The following FOXN3 variants were observed in gnomAD, a reference collection of about 807,000 sequenced individuals.
The protein encoded by FOXN3 is forkhead box protein N3.
A neutral mutation model predicts 38.4 loss-of-function variants in FOXN3; 7 were observed. The observed-to-expected ratio is 0.18, with a 90% CI of 0.10 to 0.34. FOXN3 has a LOEUF of 0.34. Among genes scored for constraint, FOXN3 ranks in the 10% least tolerant of loss-of-function variants. FOXN3 has a pLI of 1.00. For missense variants in FOXN3, 456 were observed against 613.4 expected (o/e 0.74, Z 2.71); for synonymous variants, 230 against 242.2 (o/e 0.95, Z 0.47).
intron 2 of FOXN3, among the ~76,000 whole-genome samples, chr14:89,354,632 A>G (rs548178909): frequency 2.0e-5 from 3 of 150,950 alleles, no homozygotes; most frequent in Admixed American, 6.6e-5. Context: ...AGGTGGGTGG[A>G]TCACCTGAGG....
chr14:89,524,371 CAAAAA>C (rs1301922423), intron 1 of FOXN3, among the ~76,000 whole-genome samples: 1 of 6,560 alleles, frequency 1.5e-4, no homozygotes, highest in Non-Finnish European at 3.6e-4. Context: ...GACTCCATCT[CAAAAA>C]AAAAAAAAAA....
chr14:89,185,122 T>A (rs1246473268), intron 4 of FOXN3, among the ~76,000 whole-genome samples: 1 of 152,222 alleles, frequency 6.6e-6, no homozygotes, highest in South Asian at 2.1e-4. Flanking sequence ...TGTTCTCAAA[T>A]GAGCTGCAAC....
chr14:89,606,422 G>T (rs904986697), intron 1 of FOXN3, among the ~76,000 whole-genome samples: 6 of 151,892 alleles, frequency 4.0e-5, no homozygotes, highest in Non-Finnish European at 2.9e-5. Context: ...ACCAAAATTT[G>T]ATAAGATCAA....
At chr14:89,291,836 T>C (rs1257674458) in intron 3 of FOXN3, among the ~76,000 whole-genome samples, 1 of 152,218 alleles carries the variant, frequency 6.6e-6, no homozygotes, top group African/African-American at 2.4e-5. Context: ...ATTCTTGTCC[T>C]GGGATGCTAC....
At position 89,291,549 on chromosome 14, in the gene FOXN3, T is replaced by A. The variant is rs1032850554; in HGVS notation, c.681-10535A>T. On this transcript the variant is annotated intron_variant, in intron 3 of 5. Coordinates refer to ENST00000557258, the MANE Select transcript of FOXN3 (RefSeq NM_005197.4). Reference sequence around the variant, plus strand: ...TCTGCAGACAGCGACTCCAGGCAGCTGACAGCCCACTCCAGTCTTTCCAGC... The same window carrying A: ...TCTGCAGACAGCGACTCCAGGCAGCAGACAGCCCACTCCAGTCTTTCCAGC... 10 of 572,544 alleles carry A rather than the reference T, an allele frequency of 1.7e-5. No homozygotes were observed. In the African/African-American group the frequency reaches 1.9e-4, roughly 11 times the overall value. The allele number at this position is 572,544 out of a possible 1,614,324, so 35.5% of individuals were successfully genotyped here.
At chr14:89,447,630 C>T (rs1177225587) in intron 1 of FOXN3, among the ~76,000 whole-genome samples, 1 of 151,998 alleles carries the variant, frequency 6.6e-6, no homozygotes, top group Non-Finnish European at 1.5e-5. Flanking sequence ...CTAGGAAACA[C>T]ACCCCATGCC....
Position 89,159,119 on chromosome 14 carries a change from A to G in FOXN3, c.*3295T>C, listed in dbSNP as rs1298176813. 1.3e-5 allele frequency: 2 copies of G among 152,664 alleles called. No homozygotes were observed. Among genetic ancestry groups the G allele is most frequent in the Non-Finnish European group, 2.9e-5 (2 of 68,038 alleles). 9.5% of individuals were successfully genotyped at this position (152,664 alleles called of 1,614,324 possible). A position where few individuals can be genotyped will look rare whatever the true frequency, so the allele number is the denominator to read the frequency against. ...AAATAGGCTTGTGCTTAAATTCTCTACTGCTCTTGGAGGAGGGGATAAGAG... is the reference window on the plus strand; with the variant it reads ...AAATAGGCTTGTGCTTAAATTCTCTGCTGCTCTTGGAGGAGGGGATAAGAG... On this transcript the variant is annotated 3_prime_UTR_variant, in exon 6 of 6. Transcript: ENST00000557258.
intron 4 of FOXN3, among the ~76,000 whole-genome samples, chr14:89,220,924 G>GA (rs943358575): frequency 1.3e-5 from 2 of 151,880 alleles, no homozygotes; most frequent in African/African-American, 2.4e-5. Context: ...TGACAGCAAG[G>GA]AAAAAAATAA....
At chr14:89,291,203 G>C in intron 3 of FOXN3, 1 of 444,072 alleles carries the variant, frequency 2.3e-6, no homozygotes, top group Non-Finnish European at 4.5e-6. Context: ...GGAGGCTTTT[G>C]CTGACATCCG....
At chr14:89,290,606 T>G in intron 3 of FOXN3, 1 of 540,410 alleles carries the variant, frequency 1.9e-6, no homozygotes, top group Admixed American at 2.2e-5. Context: ...TCCTGTCTTC[T>G]TGGTACTCTG....
intron 1 of FOXN3, among the ~76,000 whole-genome samples, chr14:89,432,364 CG>C (rs1213137230): frequency 6.6e-6 from 1 of 152,096 alleles, no homozygotes; most frequent in Non-Finnish European, 1.5e-5. Flanking sequence ...ACATTCAAGG[CG>C]CTTGAACAAC....
intron 1 of FOXN3, among the ~76,000 whole-genome samples, chr14:89,554,149 C>A (rs1895065060): frequency 1.3e-5 from 2 of 151,960 alleles, no homozygotes. Context: ...TTACAGGTGC[C>A]CGCCACCATA....
chr14:89,359,024 C>T (rs571792424), intron 2 of FOXN3, among the ~76,000 whole-genome samples: 2 of 152,232 alleles, frequency 1.3e-5, no homozygotes, highest in South Asian at 2.1e-4. Context: ...TATCAGCTCT[C>T]GGGCCAGGTG....
intron 3 of FOXN3, among the ~76,000 whole-genome samples, chr14:89,293,029 C>G (rs566905549): frequency 6.6e-5 from 10 of 152,348 alleles, no homozygotes; most frequent in African/African-American, 2.4e-4. Context: ...CCATGCTCGG[C>G]CCCACCATCA....
intron 3 of FOXN3, among the ~76,000 whole-genome samples, chr14:89,305,634 G>C (rs2139952042): frequency 6.6e-6 from 1 of 152,282 alleles, no homozygotes; most frequent in Admixed American, 6.5e-5. Context: ...GCTGTTGCCA[G>C]GCAACCATGA....
chr14:89,512,903 G>C (rs907154584), intron 1 of FOXN3, among the ~76,000 whole-genome samples: 1 of 152,136 alleles, frequency 6.6e-6, no homozygotes, highest in Non-Finnish European at 1.5e-5. Context: ...CACTATGGGA[G>C]GCCGAGGTGG....
intron 1 of FOXN3, among the ~76,000 whole-genome samples, chr14:89,444,007 C>CCAAAA (rs1555354179): frequency 4.4e-5 from 3 of 67,638 alleles, no homozygotes; most frequent in Admixed American, 4.0e-4. Context: ...GAAACTCTGT[C>CCAAAA]AAAAAAAAAA....
At chr14:89,386,874 A>G (rs1890803807) in intron 2 of FOXN3, among the ~76,000 whole-genome samples, 3 of 152,068 alleles carry the variant, frequency 2.0e-5, no homozygotes, top group Non-Finnish European at 4.4e-5. Context: ...TCCTCCTCTT[A>G]TAAGGCCACC....
At chr14:89,491,567 C>T (rs116164604) in intron 1 of FOXN3, among the ~76,000 whole-genome samples, 4,134 of 152,220 alleles carry the variant, frequency 0.027, 79 homozygotes, top group Non-Finnish European at 0.038. Context: ...CACAGTGAGA[C>T]GAGAAGCTGG....
Sources: allele counts gnomAD v4.1 joint callset (sites outside exome capture counted in the v4.1 genomes callset), GRCh38; gene constraint gnomAD v4.1.1; transcripts MANE v1.5; gene names NCBI Gene and HGNC (gene_info 2026-07-23, HGNC 2026-07-21).